The following ASIC2 variants were observed in gnomAD, a reference collection of about 807,000 sequenced individuals.
ASIC2 encodes the protein acid sensing ion channel subunit 2.
ASIC2 carries 25 observed loss-of-function variants against 57.3 expected under a neutral mutation model. The observed-to-expected ratio is 0.44, with a 90% CI of 0.32 to 0.61. The LOEUF (loss-of-function observed/expected upper bound fraction) is 0.61. ASIC2 is among the 20% of genes least tolerant of loss of function. The pLI, the probability that ASIC2 is intolerant of heterozygous loss-of-function variation, is 0.06. For synonymous variants in ASIC2, 319 were observed against 307.5 expected (o/e 1.04, Z -0.39); for missense variants, 641 against 738.1 (o/e 0.87, Z 1.52).
At position 34,043,521 on chromosome 17, in the gene ASIC2, T is replaced by C. The variant is rs142837977; in HGVS notation, c.555+112457A>G. On this transcript the variant is annotated intron_variant, in intron 1 of 9. Transcript: ENST00000359872. ...CTACAATGCAAAATGATTTCAAATA[T>C]ATAAATTTTAAAACCTTCCATTTGT... Among the ~76,000 whole-genome samples the C allele has an allele frequency of 4.4e-3, 671 of 152,350 alleles. 4 individuals carry two copies. The highest frequency in any genetic ancestry group is 0.015 in the African/African-American group (629 of 41,574).
intron 1 of ASIC2, among the ~76,000 whole-genome samples, chr17:33,768,261 C>T (rs1398520724): frequency 6.6e-6 from 1 of 152,120 alleles, no homozygotes; most frequent in African/African-American, 2.4e-5. Flanking sequence ...CTGCCTCAGC[C>T]TCCCAAAGTG....
At chr17:33,515,542 G>C (rs1185104244) in intron 1 of ASIC2, among the ~76,000 whole-genome samples, 9 of 152,238 alleles carry the variant, frequency 5.9e-5, no homozygotes, top group African/African-American at 2.2e-4. Context: ...GACACGGAAT[G>C]TGAAGTGTTA....
chr17:34,125,732 G>A lies in ASIC2; in HGVS notation c.555+30246C>T, dbSNP rs562011523. On this transcript the variant is annotated intron_variant, in intron 1 of 9. Transcript: ENST00000359872. ...AACATGATTATATGAATTGCCCACA[G>A]CCCCACAAGTAGTAGGTTGTGGGAT... Among the ~76,000 whole-genome samples the A allele has an allele frequency of 9.8e-5, 15 of 152,314 alleles. No homozygotes were observed. The East Asian group carries it at 2.9e-3, about 29-fold the overall frequency.
intron 1 of ASIC2, among the ~76,000 whole-genome samples, chr17:33,472,452 A>G (rs1035013493): frequency 5.3e-5 from 8 of 152,200 alleles, no homozygotes; most frequent in African/African-American, 1.9e-4. Flanking sequence ...ACAGGGGAGG[A>G]TGCACATGCT....
At chr17:34,081,267 A>G (rs1026289522) in intron 1 of ASIC2, among the ~76,000 whole-genome samples, 1 of 152,176 alleles carries the variant, frequency 6.6e-6, no homozygotes, top group African/African-American at 2.4e-5. Flanking sequence ...AAAGTTTGAG[A>G]ACCAACACCC....
chr17:34,012,686 T>A (rs1241366196), intron 1 of ASIC2, among the ~76,000 whole-genome samples: 1 of 151,806 alleles, frequency 6.6e-6, no homozygotes, highest in Non-Finnish European at 1.5e-5. Flanking sequence ...TTTTCTCTCC[T>A]ACTATATTGA....
intron 1 of ASIC2, among the ~76,000 whole-genome samples, chr17:33,615,724 A>AT (rs1178686278): frequency 6.6e-6 from 1 of 152,182 alleles, no homozygotes; most frequent in Non-Finnish European, 1.5e-5. Flanking sequence ...TAGTTTTTAG[A>AT]TTTTTCGGGG....
intron 1 of ASIC2, among the ~76,000 whole-genome samples, chr17:33,516,346 ATGTG>A (rs33997140): frequency 8.0e-5 from 12 of 149,704 alleles, no homozygotes; most frequent in South Asian, 4.3e-4. Flanking sequence ...GTGTGTTTGT[ATGTG>A]TGTGTGTGTG....
chr17:34,135,580 T>A (rs1303193924), intron 1 of ASIC2, among the ~76,000 whole-genome samples: 1 of 152,190 alleles, frequency 6.6e-6, no homozygotes, highest in Non-Finnish European at 1.5e-5. Context: ...GTGATTCCAA[T>A]GTGCAGCCAA....
chr17:34,055,739 T>C (rs1324467268), intron 1 of ASIC2, among the ~76,000 whole-genome samples: 1 of 152,250 alleles, frequency 6.6e-6, no homozygotes, highest in Non-Finnish European at 1.5e-5. Context: ...TAGTATTCCG[T>C]TGTATAAATA....
intron 1 of ASIC2, among the ~76,000 whole-genome samples, chr17:33,771,358 C>G (rs1260004613): frequency 2.0e-5 from 3 of 152,192 alleles, no homozygotes; most frequent in African/African-American, 4.8e-5. Context: ...CATTTGGGCA[C>G]CTTCTGTCTC....
At chr17:33,084,049 A>G (rs551272681) in intron 3 of ASIC2, among the ~76,000 whole-genome samples, 1 of 152,128 alleles carries the variant, frequency 6.6e-6, no homozygotes, top group Non-Finnish European at 1.5e-5. Flanking sequence ...CATCCTTGTC[A>G]TAATTTACCT....
At chr17:33,525,870 G>A (rs1396239662) in intron 1 of ASIC2, among the ~76,000 whole-genome samples, 1 of 152,200 alleles carries the variant, frequency 6.6e-6, no homozygotes, top group African/African-American at 2.4e-5. Context: ...GACCCCACTA[G>A]TCATCAGTGG....
intron 1 of ASIC2, among the ~76,000 whole-genome samples, chr17:33,922,711 T>G (rs1915733106): frequency 6.6e-6 from 1 of 152,176 alleles, no homozygotes; most frequent in African/African-American, 2.4e-5. Context: ...CATTTTCCAC[T>G]GTGAAAACTG....
At chr17:33,395,101 A>G (rs1910029400) in intron 1 of ASIC2, among the ~76,000 whole-genome samples, 1 of 149,720 alleles carries the variant, frequency 6.7e-6, no homozygotes, top group African/African-American at 2.5e-5. Flanking sequence ...TCATCTTTCT[A>G]TCCACCCATC....
At chr17:33,812,789 A>G (rs7220288) in intron 1 of ASIC2, among the ~76,000 whole-genome samples, 84,748 of 152,070 alleles carry the variant, frequency 0.56, 24,560 homozygotes, top group Non-Finnish European at 0.65. Flanking sequence ...GACAGATTCC[A>G]TTTCCTTAGG....
chr17:33,399,519 C>CA (rs1197915806), intron 1 of ASIC2, among the ~76,000 whole-genome samples: 1 of 152,130 alleles, frequency 6.6e-6, no homozygotes, highest in Admixed American at 6.5e-5. Context: ...GGAACAACAA[C>CA]AAAAAATCTC....
At chr17:34,006,686 T>C (rs1906537018) in intron 1 of ASIC2, 1 of 152,176 alleles carries the variant, frequency 6.6e-6, no homozygotes, top group Non-Finnish European at 1.5e-5. Flanking sequence ...ATTTGATACA[T>C]GTGTAAATTT....
intron 1 of ASIC2, among the ~76,000 whole-genome samples, chr17:33,737,343 A>G (rs187153381): frequency 8.5e-5 from 13 of 152,384 alleles, no homozygotes; most frequent in Admixed American, 7.8e-4. Context: ...TGAATCCAGG[A>G]CCATGACCTC....
Sources: allele counts gnomAD v4.1 joint callset (sites outside exome capture counted in the v4.1 genomes callset), GRCh38; gene constraint gnomAD v4.1.1; transcripts MANE v1.5; gene names NCBI Gene and HGNC (gene_info 2026-07-23, HGNC 2026-07-21).